KCNH5: variants seen among roughly 807,000 people sequenced by gnomAD.
KCNH5 encodes the protein potassium voltage-gated channel subfamily H member 5.
A neutral mutation model predicts 96.1 loss-of-function variants in KCNH5; 46 were observed. The observed-to-expected ratio is 0.48, with a 90% CI of 0.38 to 0.61. The LOEUF (loss-of-function observed/expected upper bound fraction) is 0.61, where lower values mean the gene tolerates loss of function less well. KCNH5 is among the 20% of genes least tolerant of loss of function. The pLI is 0.00. For synonymous variants in KCNH5, 439 were observed against 449.8 expected, an observed-to-expected ratio of 0.98 and a Z score of 0.30; for missense variants, 907 against 1,225.8, an observed-to-expected ratio of 0.74 and a Z score of 3.88.
intron 7 of KCNH5, among the ~76,000 whole-genome samples, chr14:62,859,672 C>T (rs1229495077): frequency 6.6e-6 from 1 of 152,230 alleles, no homozygotes; most frequent in Non-Finnish European, 1.5e-5. Context: ...GGCCATTTCT[C>T]CTTCCATGCA....
At chr14:62,779,970 T>C (rs1462106701) in intron 9 of KCNH5, 46 bp from the exon 10 acceptor site, 7 of 1,472,692 alleles carry the variant, frequency 4.8e-6, no homozygotes, top group Non-Finnish European at 6.5e-6. Flanking sequence ...AACACTGTTC[T>C]TATTTAATCA....
chr14:62,802,239 C>A (rs1326671429), intron 9 of KCNH5, 90 bp downstream of exon 9: 4 of 1,373,320 alleles, frequency 2.9e-6, no homozygotes, highest in South Asian at 1.4e-5. Context: ...AGTTACCAAA[C>A]AAAGGAAATT....
At chr14:62,838,819 G>A (rs1173589309) in intron 8 of KCNH5, among the ~76,000 whole-genome samples, 6 of 152,088 alleles carry the variant, frequency 3.9e-5, no homozygotes, top group Non-Finnish European at 8.8e-5. Flanking sequence ...GTATACATGT[G>A]TTGGAAAGAG....
intron 9 of KCNH5, among the ~76,000 whole-genome samples, chr14:62,784,308 T>C (rs1210661719): frequency 6.6e-6 from 1 of 152,208 alleles, no homozygotes; most frequent in East Asian, 1.9e-4. Context: ...GGCTCTGCCC[T>C]TGACATGTAG....
intron 8 of KCNH5, among the ~76,000 whole-genome samples, chr14:62,811,041 A>C (rs1427003747): frequency 6.6e-6 from 1 of 152,070 alleles, no homozygotes; most frequent in Non-Finnish European, 1.5e-5. Context: ...AGTATGTAAG[A>C]AACCATTTTT....
chr14:62,955,258 G>C (rs1373578236), intron 6 of KCNH5, among the ~76,000 whole-genome samples: 1 of 152,138 alleles, frequency 6.6e-6, no homozygotes, highest in East Asian at 1.9e-4. Context: ...TGGAGCTACA[G>C]GGATAGAAGG....
At chr14:62,724,644 T>C (rs1346576277) in intron 10 of KCNH5, among the ~76,000 whole-genome samples, 1 of 152,228 alleles carries the variant, frequency 6.6e-6, no homozygotes, top group Non-Finnish European at 1.5e-5. Flanking sequence ...CATGCTCACA[T>C]ACTGTGCTGA....
intron 1 of KCNH5, among the ~76,000 whole-genome samples, chr14:63,024,506 T>C (rs1008944911): frequency 2.0e-5 from 3 of 151,922 alleles, no homozygotes; most frequent in Non-Finnish European, 4.4e-5. Context: ...AGTTGGTTTT[T>C]TGAAAAGATA....
intron 7 of KCNH5, among the ~76,000 whole-genome samples, chr14:62,906,690 T>C (rs1214428228): frequency 1.3e-5 from 2 of 152,212 alleles, no homozygotes; most frequent in Non-Finnish European, 2.9e-5. Context: ...CATGTAAGGG[T>C]TATATTGTTT....
chr14:62,964,932 G>T (rs2139548390), intron 6 of KCNH5, among the ~76,000 whole-genome samples: 1 of 152,138 alleles, frequency 6.6e-6, no homozygotes, highest in East Asian at 1.9e-4. Flanking sequence ...CTCTACTATT[G>T]CAACGGTCTT....
intron 10 of KCNH5, among the ~76,000 whole-genome samples, chr14:62,728,094 A>T (rs1345230873): frequency 6.6e-6 from 1 of 151,586 alleles, no homozygotes; most frequent in Non-Finnish European, 1.5e-5. Flanking sequence ...AAAGAAACCA[A>T]AGCTGGTGGG....
At chr14:62,959,378 C>T (rs1890164391) in intron 6 of KCNH5, among the ~76,000 whole-genome samples, 1 of 152,088 alleles carries the variant, frequency 6.6e-6, no homozygotes, top group Admixed American at 6.6e-5. Context: ...ACAAAACTAT[C>T]ACCCATTATC....
At chr14:62,994,540 C>T (rs943595601) in intron 4 of KCNH5, among the ~76,000 whole-genome samples, 3 of 151,936 alleles carry the variant, frequency 2.0e-5, no homozygotes, top group Admixed American at 1.3e-4. Flanking sequence ...ACCTCAATAC[C>T]AGGAACAAAA....
intron 2 of KCNH5, among the ~76,000 whole-genome samples, chr14:63,010,216 G>A (rs534451021): frequency 4.9e-4 from 75 of 152,244 alleles, no homozygotes; most frequent in Non-Finnish European, 7.1e-4. Flanking sequence ...TGGACAAGTC[G>A]TATATCCTCT....
At chr14:62,825,886 A>G (rs1361864061) in intron 8 of KCNH5, among the ~76,000 whole-genome samples, 1 of 151,924 alleles carries the variant, frequency 6.6e-6, no homozygotes, top group Non-Finnish European at 1.5e-5. Context: ...ATGAGAGAAC[A>G]TGCTTTCATT....
chr14:63,013,501 C>G (rs1046982722), intron 2 of KCNH5, among the ~76,000 whole-genome samples: 2 of 152,086 alleles, frequency 1.3e-5, no homozygotes. Context: ...TCCATATTCA[C>G]TTATAAGTCA....
intron 7 of KCNH5, among the ~76,000 whole-genome samples, chr14:62,854,886 T>C (rs981448263): frequency 9.4e-5 from 14 of 149,028 alleles, no homozygotes; most frequent in African/African-American, 3.4e-4. Flanking sequence ...TGCCTCTCAA[T>C]GGAAGGGGTC....
intron 10 of KCNH5, among the ~76,000 whole-genome samples, chr14:62,744,562 T>G (rs10129416): frequency 0.068 from 10,375 of 152,214 alleles, 1,099 homozygotes; most frequent in African/African-American, 0.23. Flanking sequence ...GTAAAAACAT[T>G]GAGCACCTAT....
intron 7 of KCNH5, among the ~76,000 whole-genome samples, chr14:62,903,177 A>G (rs925723527): frequency 1.3e-5 from 2 of 152,154 alleles, no homozygotes; most frequent in Non-Finnish European, 1.5e-5. Flanking sequence ...CCTTCAGCAA[A>G]TGTTTGCCAA....
Sources: allele counts gnomAD v4.1 joint callset (sites outside exome capture counted in the v4.1 genomes callset), GRCh38; gene constraint gnomAD v4.1.1; transcripts MANE v1.5; gene names NCBI Gene and HGNC (gene_info 2026-07-23, HGNC 2026-07-21).